MAP3K2: variants seen among roughly 807,000 people sequenced by gnomAD.
MAP3K2 encodes mitogen-activated protein kinase kinase kinase 2.
A neutral mutation model predicts 80.3 loss-of-function variants in MAP3K2; 24 were observed. The observed-to-expected ratio is 0.30, with a 90% CI of 0.22 to 0.42. The LOEUF (loss-of-function observed/expected upper bound fraction) is 0.42. MAP3K2 is among the 10% of genes least tolerant of loss of function. The pLI is 1.00. For synonymous variants in MAP3K2, 244 were observed against 253.7 expected (o/e 0.96, Z 0.36); for missense variants, 608 against 750.1 (o/e 0.81, Z 2.21).
rs1553515124 is a variant in MAP3K2 at position 127,305,088 on chromosome 2, AAC to A, written c.*2489_*2490del. On this transcript the variant is annotated 3_prime_UTR_variant, in exon 17 of 17. Coordinates refer to ENST00000682094, the MANE Select transcript of MAP3K2 (RefSeq NM_001371910.2). The stretch of plus-strand genomic sequence containing the variant: ...AAAAGAAAACAGAGACTGAAAAAAA[AAC>A]AGTTTTGCTCTGGGTTCTACAGTCT... 1 of 152,526 alleles carries A rather than the reference AAC, an allele frequency of 6.6e-6. No homozygotes were observed. The highest frequency in any genetic ancestry group is 6.6e-5 in the Admixed American group (1 of 15,256). 9.4% of individuals were successfully genotyped at this position (152,526 alleles called of 1,614,324 possible).
intron 1 of MAP3K2, among the ~76,000 whole-genome samples, chr2:127,351,786 A>C (rs1451959989): frequency 2.0e-5 from 3 of 152,138 alleles, no homozygotes; most frequent in Admixed American, 2.0e-4. Flanking sequence ...GTCAGAAAGT[A>C]CTGGTAGTTT....
At chr2:127,357,733 G>A (rs565092082) in intron 1 of MAP3K2, among the ~76,000 whole-genome samples, 13 of 152,200 alleles carry the variant, frequency 8.5e-5, no homozygotes, top group South Asian at 8.3e-4. Flanking sequence ...GCTATTCAAT[G>A]GGGAAAGGAT....
At chr2:127,311,253 A>T (rs979950814) in intron 15 of MAP3K2, among the ~76,000 whole-genome samples, 1 of 152,140 alleles carries the variant, frequency 6.6e-6, no homozygotes. Flanking sequence ...ATTTCCTACC[A>T]TCCAGTACTT....
chr2:127,386,566 G>T (rs912961486), intron 1 of MAP3K2, among the ~76,000 whole-genome samples: 4 of 152,170 alleles, frequency 2.6e-5, no homozygotes, highest in African/African-American at 7.2e-5. Flanking sequence ...GACTTTTCAA[G>T]ATCTATGCAG....
chr2:127,365,782 G>A (rs1558988635), intron 1 of MAP3K2, among the ~76,000 whole-genome samples: 1 of 152,212 alleles, frequency 6.6e-6, no homozygotes, highest in Non-Finnish European at 1.5e-5. Flanking sequence ...CTGCTTCAAA[G>A]AGGCTGAATA....
At chr2:127,355,156 T>C (rs181645736) in intron 1 of MAP3K2, among the ~76,000 whole-genome samples, 26 of 152,190 alleles carry the variant, frequency 1.7e-4, no homozygotes, top group African/African-American at 4.6e-4. Context: ...CATAACTGTT[T>C]GGAATTTGAC....
intron 15 of MAP3K2, among the ~76,000 whole-genome samples, chr2:127,313,845 A>G (rs1426754529): frequency 2.6e-5 from 4 of 152,062 alleles, no homozygotes; most frequent in African/African-American, 4.8e-5. Flanking sequence ...ATGACTGTTT[A>G]TTTATTAACA....
chr2:127,387,448 G>A lies in MAP3K2; in HGVS notation c.-66+4C>T. ...AGCGCGCGCGCACGCACACACGCACGTACCGGCTGCTCCGCAGGGACGTAG... is the reference window on the plus strand; with the variant it reads ...AGCGCGCGCGCACGCACACACGCACATACCGGCTGCTCCGCAGGGACGTAG... On this transcript the variant is annotated splice_donor_region_variant and intron_variant, in intron 1 of 16. Coordinates refer to ENST00000682094, the MANE Select transcript of MAP3K2 (RefSeq NM_001371910.2). The A allele has an allele frequency of 2.0e-6, 2 of 982,672 alleles. No homozygotes were observed. Among genetic ancestry groups the A allele is most frequent in the Non-Finnish European group, 2.4e-6 (2 of 830,536 alleles). 60.9% of individuals were successfully genotyped at this position (982,672 alleles called of 1,614,324 possible). A position where few individuals can be genotyped will look rare whatever the true frequency, so the allele number is the denominator to read the frequency against.
chr2:127,333,230 G>GAC (rs1472984232), intron 5 of MAP3K2, among the ~76,000 whole-genome samples: 4 of 146,530 alleles, frequency 2.7e-5, no homozygotes, highest in South Asian at 4.3e-4. Flanking sequence ...CAACCCCCAT[G>GAC]ACACACACAC....
At chr2:127,327,651 T>C (rs905690472) in intron 7 of MAP3K2, among the ~76,000 whole-genome samples, 1 of 152,146 alleles carries the variant, frequency 6.6e-6, no homozygotes, top group Non-Finnish European at 1.5e-5. Context: ...CACTCTTGGT[T>C]GAGACCTGTT....
rs1686027511 is a variant in MAP3K2, at chr2:127,321,897, A to T, written c.1045+149T>A. On this transcript the variant is annotated intron_variant, in intron 12 of 16. Transcript: ENST00000682094. The surrounding 1 kb of genome is among the most constrained non-coding windows in gnomAD (Gnocchi z 4.4). ...CAGTGATACCATGCTTATACCTGACATTCCAACCACCTTTAGAAACACCAT... is the reference window on the plus strand; with the variant it reads ...CAGTGATACCATGCTTATACCTGACTTTCCAACCACCTTTAGAAACACCAT... 3 of 660,688 alleles carry T rather than the reference A, an allele frequency of 4.5e-6. No homozygotes were observed. The highest frequency in any genetic ancestry group is 2.7e-5 in the East Asian group (1 of 36,718). The allele number at this position is 660,688 out of a possible 1,614,324, so 40.9% of individuals were successfully genotyped here. A position where few individuals can be genotyped will look rare whatever the true frequency, so the allele number is the denominator to read the frequency against.
upstream of MAP3K2, chr2:127,388,201 T>C (rs868028721): frequency 9.6e-5 from 94 of 982,220 alleles, no homozygotes; most frequent in African/African-American, 1.6e-3. Context: ...CCCCCGCCCC[T>C]GCCCCGGGGC....
At chr2:127,332,405 G>C (rs1686278384) in intron 5 of MAP3K2, among the ~76,000 whole-genome samples, 1 of 152,186 alleles carries the variant, frequency 6.6e-6, no homozygotes, top group Admixed American at 6.5e-5. Context: ...TCAAATGACA[G>C]AAAAAAATAT....
In MAP3K2 at chr2:127,325,703, C is replaced by T. The variant is rs185260933; in HGVS notation, c.677+25G>A. The T allele has an allele frequency of 3.2e-6, 5 of 1,571,484 alleles. No individual in the cohort carries two copies. The East Asian group carries it at 6.7e-5, about 21-fold the overall frequency. On this transcript the variant is annotated intron_variant, in intron 9 of 16. Coordinates refer to ENST00000682094, the MANE Select transcript of MAP3K2 (RefSeq NM_001371910.2). ...TCTGTCTCAAATAAACAAATAAACC[C>T]TCCAAAAACTACGATAAACATTACC...
chr2:127,320,088 A>G (rs1685987188), intron 12 of MAP3K2, among the ~76,000 whole-genome samples: 1 of 152,168 alleles, frequency 6.6e-6, no homozygotes, highest in African/African-American at 2.4e-5. Flanking sequence ...CTTATCCTAT[A>G]CATGATATCT....
rs988997200 is a variant in MAP3K2, at chr2:127,300,293, G to A, written c.*7286C>T. On this transcript the variant is annotated 3_prime_UTR_variant, in exon 17 of 17. Coordinates refer to ENST00000682094, the MANE Select transcript of MAP3K2 (RefSeq NM_001371910.2). ...ACAAATTAAACATTTCCAAAAATGT[G>A]CAAAAATGTCAATCTTAATAGGAAA... 6.6e-6 allele frequency: 1 copy of A among 152,020 alleles called. No individual in the cohort carries two copies. The highest frequency in any genetic ancestry group is 2.4e-5 in the African/African-American group (1 of 41,400). The allele number at this position is 152,020 out of a possible 1,614,324, so 9.4% of individuals were successfully genotyped here. A position where few individuals can be genotyped will look rare whatever the true frequency, so the allele number is the denominator to read the frequency against.
chr2:127,331,076 T>C (rs1312447182), intron 5 of MAP3K2, among the ~76,000 whole-genome samples: 1 of 152,158 alleles, frequency 6.6e-6, no homozygotes, highest in Non-Finnish European at 1.5e-5. Flanking sequence ...CTGACCACTA[T>C]ACCCTAAAAC....
intron 3 of MAP3K2, among the ~76,000 whole-genome samples, chr2:127,338,499 C>T (rs943465226): frequency 6.6e-6 from 1 of 152,090 alleles, no homozygotes; most frequent in East Asian, 1.9e-4. Flanking sequence ...TCCACCCTCT[C>T]GCAGGCCCCA....
At chr2:127,358,661 A>C (rs1281658108) in intron 1 of MAP3K2, among the ~76,000 whole-genome samples, 2 of 152,238 alleles carry the variant, frequency 1.3e-5, no homozygotes, top group Admixed American at 1.3e-4. Flanking sequence ...GGCTGGGCAC[A>C]GTAACTGACA....
Sources: gnomAD v4.1 joint callset for allele counts (sites outside exome capture counted in the v4.1 genomes callset) on GRCh38, gnomAD v4.1.1 for gene constraint, Gnocchi (gnomAD v3.1) non-coding constraint, MANE v1.5 for transcripts, NCBI Gene and HGNC (gene_info 2026-07-23, HGNC 2026-07-21) for gene names.